The following RASSF5 variants were observed in gnomAD, a reference collection of about 807,000 sequenced individuals.
RASSF5 encodes Ras association domain family member 5.
RASSF5 carries 25 observed loss-of-function variants against 40.5 expected under a neutral mutation model. That is an observed-to-expected ratio of 0.62 (90% CI 0.45 to 0.86). RASSF5 has a LOEUF of 0.86. Ranked by LOEUF, RASSF5 falls within the 40% of genes least tolerant of loss-of-function variation. The probability of loss-of-function intolerance (pLI) is 0.00; values close to 1 mark genes in which losing one functional copy is unlikely to be tolerated. For synonymous variants in RASSF5, 246 were observed against 252.4 expected, an observed-to-expected ratio of 0.97 and a Z score of 0.24; for missense variants, 521 against 572.8, an observed-to-expected ratio of 0.91 and a Z score of 0.92.
intron 1 of RASSF5, among the ~76,000 whole-genome samples, chr1:206,534,891 A>G (rs1026957953): frequency 6.6e-6 from 1 of 152,120 alleles, no homozygotes; most frequent in Non-Finnish European, 1.5e-5. Flanking sequence ...CCTAGAAGCC[A>G]TGCTCCACCC....
At chr1:206,566,556 C>T (rs577994673) in intron 2 of RASSF5, among the ~76,000 whole-genome samples, 54 of 152,142 alleles carry the variant, frequency 3.5e-4, no homozygotes, top group Non-Finnish European at 1.3e-4. Flanking sequence ...GCAGGGCCCT[C>T]GCTTTGCAGT....
chr1:206,515,551 G>T (rs1553395295), intron 1 of RASSF5, among the ~76,000 whole-genome samples: 1 of 152,158 alleles, frequency 6.6e-6, no homozygotes, highest in African/African-American at 2.4e-5. Flanking sequence ...TAACAGACTG[G>T]ATCCTAGAGG....
chr1:206,527,753 G>C (rs1553397418), intron 1 of RASSF5, among the ~76,000 whole-genome samples: 2 of 152,112 alleles, frequency 1.3e-5, no homozygotes, highest in African/African-American at 4.8e-5. Flanking sequence ...TTCAACCCAG[G>C]CTCTTTCTGG....
At chr1:206,551,262 C>A (rs948865129) in intron 2 of RASSF5, among the ~76,000 whole-genome samples, 8 of 152,176 alleles carry the variant, frequency 5.3e-5, no homozygotes, top group African/African-American at 1.7e-4. Flanking sequence ...ATTCTGACTC[C>A]TTCCCTTGAT....
At chr1:206,524,090 T>G (rs1264011507) in intron 1 of RASSF5, among the ~76,000 whole-genome samples, 52 of 128,112 alleles carry the variant, frequency 4.1e-4, no homozygotes, top group African/African-American at 1.1e-3. Flanking sequence ...ATATATAATA[T>G]GTATACCATA....
chr1:206,583,442 C>A, intron 3 of RASSF5, 63 bp downstream of exon 3: 1 of 1,106,608 alleles, frequency 9.0e-7, no homozygotes, highest in Non-Finnish European at 1.4e-6. Context: ...TTTGGCGCCT[C>A]TGCCCTCACT....
At chr1:206,551,793 G>C (rs1281555471) in intron 2 of RASSF5, among the ~76,000 whole-genome samples, 1 of 152,246 alleles carries the variant, frequency 6.6e-6, no homozygotes, top group African/African-American at 2.4e-5. Context: ...GGCTAGGCTA[G>C]CCCTGAGGCG....
chr1:206,547,625 A>G (rs1261469315), intron 2 of RASSF5, among the ~76,000 whole-genome samples: 1 of 152,124 alleles, frequency 6.6e-6, no homozygotes, highest in Non-Finnish European at 1.5e-5. Context: ...AATAATAGAA[A>G]TAAAGTGCAC....
chr1:206,566,330 TTCAG>T (rs1317277319), intron 2 of RASSF5, among the ~76,000 whole-genome samples: 15 of 152,222 alleles, frequency 9.9e-5, no homozygotes, highest in African/African-American at 3.4e-4. Context: ...GTTTTTCTCA[TTCAG>T]TCAATTTCCT....
Position 206,561,487 on chromosome 1 carries a change from G to C in RASSF5, c.580-21782G>C. The stretch of plus-strand genomic sequence containing the variant: ...CACTTGATTTTAGCAGGTAGTCCCT[G>C]TAATCTTACAACTTTAGTGACTTAA... On this transcript the variant is annotated intron_variant, in intron 2 of 5. Coordinates refer to ENST00000579436, the MANE Select transcript of RASSF5 (RefSeq NM_182663.4). Among the ~76,000 whole-genome samples, 2 of 151,980 alleles carry C rather than the reference G, an allele frequency of 1.3e-5. 1 individual carries two copies. Among genetic ancestry groups the C allele is most frequent in the East Asian group, 3.9e-4 (2 of 5,188 alleles).
At chr1:206,556,916 C>G (rs868944721) in intron 2 of RASSF5, among the ~76,000 whole-genome samples, 2 of 152,262 alleles carry the variant, frequency 1.3e-5, no homozygotes, top group African/African-American at 4.8e-5. Flanking sequence ...CTCCGTGGAA[C>G]CTGAGTCACC....
chr1:206,510,201 T>TGA (rs1392034136), intron 1 of RASSF5, among the ~76,000 whole-genome samples: 2 of 152,132 alleles, frequency 1.3e-5, no homozygotes, highest in African/African-American at 4.8e-5. Flanking sequence ...GATTCCATGG[T>TGA]GAGGTTGCTT....
At chr1:206,524,420 A>G (rs1572300135) in intron 1 of RASSF5, among the ~76,000 whole-genome samples, 1 of 141,252 alleles carries the variant, frequency 7.1e-6, no homozygotes, top group East Asian at 2.0e-4. Flanking sequence ...TACATTTTAT[A>G]TATTATAGAT....
At chr1:206,517,906 T>C (rs1553395619) in intron 1 of RASSF5, among the ~76,000 whole-genome samples, 1 of 150,788 alleles carries the variant, frequency 6.6e-6, no homozygotes, top group African/African-American at 2.4e-5. Flanking sequence ...GGGCTTAGCA[T>C]GGGAGGATGT....
At chr1:206,519,379 C>T (rs560948263) in intron 1 of RASSF5, among the ~76,000 whole-genome samples, 1 of 152,352 alleles carries the variant, frequency 6.6e-6, no homozygotes, top group East Asian at 1.9e-4. Context: ...ACTTCTGTAG[C>T]ACTCTCTGCT....
At chr1:206,574,830 G>A (rs922890427) in intron 2 of RASSF5, among the ~76,000 whole-genome samples, 1 of 148,366 alleles carries the variant, frequency 6.7e-6, no homozygotes, top group Non-Finnish European at 1.5e-5. Context: ...ATTTGGTTGA[G>A]ACCATCACAA....
intron 2 of RASSF5, among the ~76,000 whole-genome samples, chr1:206,570,346 G>A (rs1272066884): frequency 1.1e-4 from 17 of 151,880 alleles, no homozygotes; most frequent in African/African-American, 2.2e-4. Flanking sequence ...TTCCTGCCTC[G>A]GCCTCCCTAA....
At chr1:206,561,287 CTCT>C (rs1159941557) in intron 2 of RASSF5, among the ~76,000 whole-genome samples, 1 of 152,326 alleles carries the variant, frequency 6.6e-6, no homozygotes, top group South Asian at 2.1e-4. Context: ...TTGTCAAGTT[CTCT>C]TCTTCTTGGT....
intron 2 of RASSF5, among the ~76,000 whole-genome samples, chr1:206,559,778 G>T (rs1553402346): frequency 1.3e-5 from 2 of 152,166 alleles, no homozygotes; most frequent in Non-Finnish European, 1.5e-5. Flanking sequence ...CATCTTGACT[G>T]GATATTCAGG....
Sources: gnomAD v4.1 joint callset for allele counts (sites outside exome capture counted in the v4.1 genomes callset) on GRCh38, gnomAD v4.1.1 for gene constraint, MANE v1.5 for transcripts, NCBI Gene and HGNC (gene_info 2026-07-23, HGNC 2026-07-21) for gene names.